RBFOX1: variants seen among roughly 807,000 people sequenced by gnomAD.
The protein encoded by RBFOX1 is RNA binding fox-1 homolog 1.
RBFOX1 carries 8 observed loss-of-function variants against 57.7 expected under a neutral mutation model. That is an observed-to-expected ratio of 0.14 (90% confidence interval 0.08 to 0.25). The LOEUF (loss-of-function observed/expected upper bound fraction) is 0.25, where lower values mean the gene tolerates loss of function less well. Among genes scored for constraint, RBFOX1 ranks in the 10% least tolerant of loss-of-function variants. The probability of loss-of-function intolerance (pLI) is 1.00; values close to 1 mark genes in which losing one functional copy is unlikely to be tolerated. For missense variants in RBFOX1, 611 were observed against 548.5 expected (o/e 1.11, Z -1.14); for synonymous variants, 326 against 222.4 (o/e 1.47, Z -4.15).
At position 6,967,276 on chromosome 16, in the gene RBFOX1, A is replaced by G. The variant is rs774176564; in HGVS notation, c.-15-84781A>G. 1.8e-4 allele frequency among the ~76,000 whole-genome samples: 27 copies of G among 150,856 alleles called. 1 individual carries two copies. Among genetic ancestry groups the G allele is most frequent in the Non-Finnish European group, 3.4e-4 (23 of 68,022 alleles). ...TGTCTGTCTGTACACTCATCATTTC[A>G]TCATCCATTATCCATCCATTATTTA... is the stretch of plus-strand genomic sequence containing the variant. On this transcript the variant is annotated intron_variant, in intron 3 of 15. Coordinates refer to ENST00000550418, the MANE Select transcript of RBFOX1 (RefSeq NM_018723.4).
intron 3 of RBFOX1, among the ~76,000 whole-genome samples, chr16:6,953,573 G>C (rs1353535631): frequency 1.3e-5 from 2 of 152,100 alleles, no homozygotes; most frequent in African/African-American, 4.8e-5. Context: ...CTTTAGTAGA[G>C]ATGGGGTTTT....
At chr16:6,988,759 T>G (rs2090879420) in intron 3 of RBFOX1, among the ~76,000 whole-genome samples, 1 of 145,074 alleles carries the variant, frequency 6.9e-6, no homozygotes, top group Non-Finnish European at 1.5e-5. Context: ...TTGTTTTTTG[T>G]TTTTTGTTTT....
chr16:6,027,997 G>A (rs192418447), intron 1 of RBFOX1, among the ~76,000 whole-genome samples: 8 of 152,254 alleles, frequency 5.3e-5, no homozygotes, highest in South Asian at 2.1e-4. Flanking sequence ...GAAAAGTGAC[G>A]GAGCAGGGGA....
At chr16:6,360,237 T>C (rs796138514) in intron 2 of RBFOX1, among the ~76,000 whole-genome samples, 14 of 149,054 alleles carry the variant, frequency 9.4e-5, no homozygotes, top group African/African-American at 3.5e-4. Flanking sequence ...AATATTTCTT[T>C]ATAGATTTTT....
chr16:6,388,307 G>A (rs1343650103), intron 2 of RBFOX1, among the ~76,000 whole-genome samples: 2 of 152,032 alleles, frequency 1.3e-5, no homozygotes, highest in South Asian at 2.1e-4. Context: ...CTTGGGGGAC[G>A]TAGGTCTGAA....
intron 3 of RBFOX1, among the ~76,000 whole-genome samples, chr16:5,771,660 C>G (rs557134088): frequency 6.6e-6 from 1 of 152,140 alleles, no homozygotes; most frequent in East Asian, 1.9e-4. Flanking sequence ...CCAACTGCTT[C>G]GGCCTCCCAG....
chr16:6,649,809 A>T (rs992739589), intron 2 of RBFOX1, among the ~76,000 whole-genome samples: 1 of 152,138 alleles, frequency 6.6e-6, no homozygotes, highest in Admixed American at 6.5e-5. Context: ...ATATGCATGT[A>T]TATTGGGTAA....
chr16:6,987,301 A>T (rs1393312960), intron 3 of RBFOX1, among the ~76,000 whole-genome samples: 1 of 152,156 alleles, frequency 6.6e-6, no homozygotes, highest in Non-Finnish European at 1.5e-5. Context: ...CATCTGGTTC[A>T]GTCCCTGAAG....
intron 2 of RBFOX1, among the ~76,000 whole-genome samples, chr16:6,442,896 T>C (rs910142509): frequency 1.3e-5 from 2 of 152,204 alleles, no homozygotes; most frequent in African/African-American, 4.8e-5. Context: ...TGATTGTGTG[T>C]TTGCCATGCG....
rs1220396855 is a variant in RBFOX1 at position 7,711,859 on chromosome 16, T to A, written c.*1114T>A. The A allele has an allele frequency of 6.6e-6, 1 of 152,582 alleles. No individual in the cohort carries two copies. Among genetic ancestry groups the A allele is most frequent in the Non-Finnish European group, 1.5e-5 (1 of 68,034 alleles). The allele number at this position is 152,582 out of a possible 1,614,324, so 9.5% of individuals were successfully genotyped here. A position where few individuals can be genotyped will look rare whatever the true frequency, so the allele number is the denominator to read the frequency against. On this transcript the variant is annotated 3_prime_UTR_variant, in exon 16 of 16. Transcript: ENST00000550418. ...TTGAGTAGAGATAATCATGGTATTT[T>A]CATCAGCTTGGTACTTTTTGAAACG...
chr16:5,729,464 T>C (rs1359979864), intron 3 of RBFOX1, among the ~76,000 whole-genome samples: 1 of 148,060 alleles, frequency 6.8e-6, no homozygotes. Context: ...ATCTGGTGGA[T>C]AGATGGCTTG....
chr16:6,605,004 T>A (rs1280967322), intron 2 of RBFOX1, among the ~76,000 whole-genome samples: 2 of 151,972 alleles, frequency 1.3e-5, no homozygotes, highest in African/African-American at 4.8e-5. Flanking sequence ...TATATAAATA[T>A]AAATGTATTT....
rs113299968 is a variant in RBFOX1, at chr16:6,661,188, C to T, written c.-16+6538C>T. ...GATTTTTTACTTACTATGAGCAATC[C>T]AAATGAAGCACACATGCAGAAAAGT... On this transcript the variant is annotated intron_variant, in intron 3 of 15. Transcript: ENST00000550418. 3.8e-3 allele frequency among the ~76,000 whole-genome samples: 571 copies of T among 152,210 alleles called. 3 individuals carry two copies. The highest frequency in any genetic ancestry group is 0.013 in the African/African-American group (551 of 41,510).
At chr16:5,780,841 C>G (rs1326845980) in intron 3 of RBFOX1, among the ~76,000 whole-genome samples, 2 of 152,206 alleles carry the variant, frequency 1.3e-5, no homozygotes, top group East Asian at 3.9e-4. Context: ...GCTTTCTCCT[C>G]TTGAAAACTG....
At chr16:7,236,692 TC>T (rs1411470088) in intron 4 of RBFOX1, among the ~76,000 whole-genome samples, 5 of 152,014 alleles carry the variant, frequency 3.3e-5, no homozygotes, top group Non-Finnish European at 7.3e-5. Flanking sequence ...CTTTACTTTT[TC>T]TTTTTTTTTT....
intron 5 of RBFOX1, among the ~76,000 whole-genome samples, chr16:7,560,106 A>G (rs2089951924): frequency 6.6e-6 from 1 of 152,232 alleles, no homozygotes; most frequent in South Asian, 2.1e-4. Context: ...CAGGTGACTT[A>G]GAGACATTCA....
chr16:7,436,763 A>T (rs2098724549), intron 4 of RBFOX1, among the ~76,000 whole-genome samples: 1 of 152,162 alleles, frequency 6.6e-6, no homozygotes, highest in Non-Finnish European at 1.5e-5. Flanking sequence ...GATTTTCTTA[A>T]CATATTTTAA....
intron 2 of RBFOX1, among the ~76,000 whole-genome samples, chr16:5,588,765 G>A (rs949450603): frequency 6.6e-5 from 10 of 152,190 alleles, no homozygotes; most frequent in African/African-American, 2.2e-4. Flanking sequence ...GGGAAATGGA[G>A]TCAAGCCGGT....
At chr16:7,707,624 C>G (rs766056999) in intron 14 of RBFOX1, among the ~76,000 whole-genome samples, 1 of 152,120 alleles carries the variant, frequency 6.6e-6, no homozygotes, top group Non-Finnish European at 1.5e-5. Context: ...GTTCCCTTCT[C>G]CAGAAAATTG....
Sources: gnomAD v4.1 joint callset for allele counts (sites outside exome capture counted in the v4.1 genomes callset) on GRCh38, gnomAD v4.1.1 for gene constraint, MANE v1.5 for transcripts, NCBI Gene and HGNC (gene_info 2026-07-23, HGNC 2026-07-21) for gene names.